The following CDH11 variants were observed in gnomAD, a reference collection of about 807,000 sequenced individuals.
CDH11 encodes the protein cadherin-11.
Under a neutral mutation model 67.8 loss-of-function variants are expected in CDH11, and 11 were observed. That is an observed-to-expected ratio of 0.16 (90% CI 0.10 to 0.27). The LOEUF is 0.27. Ranked by LOEUF, CDH11 falls within the 10% of genes least tolerant of loss-of-function variation. The pLI is 1.00. For missense variants in CDH11, 847 were observed against 1,031.2 expected (o/e 0.82, Z 2.45); for synonymous variants, 419 against 400.0 (o/e 1.05, Z -0.57).
chr16:64,974,046 C>T (rs1389466975), intron 8 of CDH11, among the ~76,000 whole-genome samples: 1 of 151,946 alleles, frequency 6.6e-6, no homozygotes, highest in Non-Finnish European at 1.5e-5. Flanking sequence ...TTACTAATAA[C>T]GGATAAAAAA....
At chr16:65,092,056 C>T (rs2074801183) in intron 1 of CDH11, among the ~76,000 whole-genome samples, 1 of 152,138 alleles carries the variant, frequency 6.6e-6, no homozygotes, top group South Asian at 2.1e-4. Context: ...TGGACAAATA[C>T]CACAATGTGA....
chr16:64,946,991 T>C lies in CDH11; in HGVS notation c.*612A>G. The C allele has an allele frequency of 1.0e-6, 1 of 1,000,274 alleles. No homozygotes were observed. Among genetic ancestry groups the C allele is most frequent in the East Asian group, 6.5e-5 (1 of 15,448 alleles). 62.0% of individuals were successfully genotyped at this position (1,000,274 alleles called of 1,614,324 possible). A position where few individuals can be genotyped will look rare whatever the true frequency, so the allele number is the denominator to read the frequency against. On this transcript the variant is annotated 3_prime_UTR_variant, in exon 13 of 13. Transcript: ENST00000268603. ...GACATAGAAATAGGGCGTCTCTCAC[T>C]GAAACAAGACAGTTATATCTGGCAC...
chr16:64,984,386 C>T (rs2142468223), intron 7 of CDH11, among the ~76,000 whole-genome samples: 1 of 152,312 alleles, frequency 6.6e-6, no homozygotes, highest in East Asian at 1.9e-4. Context: ...CTGATAGATG[C>T]TTAACATTTA....
At chr16:65,008,564 G>C (rs951889427) in intron 2 of CDH11, among the ~76,000 whole-genome samples, 1 of 152,110 alleles carries the variant, frequency 6.6e-6, no homozygotes, top group Admixed American at 6.6e-5. Flanking sequence ...CTTATGAATA[G>C]GAGCCATGAA....
At chr16:65,037,499 T>C (rs1333070009) in intron 2 of CDH11, among the ~76,000 whole-genome samples, 2 of 152,202 alleles carry the variant, frequency 1.3e-5, no homozygotes, top group Non-Finnish European at 2.9e-5. Flanking sequence ...AGCCTTCCTT[T>C]GTGACAGTCA....
At chr16:65,030,983 A>G (rs980768554) in intron 2 of CDH11, among the ~76,000 whole-genome samples, 1 of 152,188 alleles carries the variant, frequency 6.6e-6, no homozygotes, top group Non-Finnish European at 1.5e-5. Context: ...TACAATGTAA[A>G]AGGCCTAAGG....
At chr16:65,087,301 G>C (rs1355489205) in intron 1 of CDH11, among the ~76,000 whole-genome samples, 1 of 152,160 alleles carries the variant, frequency 6.6e-6, no homozygotes, top group African/African-American at 2.4e-5. Context: ...TGAAGTGTCA[G>C]CTACCACAGA....
intron 8 of CDH11, among the ~76,000 whole-genome samples, chr16:64,977,817 C>T (rs1351742287): frequency 1.3e-5 from 2 of 152,170 alleles, no homozygotes; most frequent in Non-Finnish European, 2.9e-5. Flanking sequence ...CAAAGGATGT[C>T]AGTGAGAACT....
intron 2 of CDH11, among the ~76,000 whole-genome samples, chr16:65,045,673 T>G (rs1402359412): frequency 6.6e-6 from 1 of 152,114 alleles, no homozygotes; most frequent in African/African-American, 2.4e-5. Flanking sequence ...GTTAATTCTG[T>G]GGCTCAAGAA....
rs1432737291 is a variant in CDH11 at position 64,973,038 on chromosome 16, T to C, written c.1256A>G (p.Tyr419Cys). The C allele has an allele frequency of 6.2e-7, 1 of 1,613,362 alleles. No individual in the cohort carries two copies. The highest frequency in any genetic ancestry group is 1.1e-5 in the South Asian group (1 of 91,066). The change falls in exon 9 of 13, where the codon TAT becomes TGT. Residue 419 changes from tyrosine to cysteine, a missense_variant and splice_region_variant. Tyr to Cys is a radical substitution (Grantham distance 194). Transcript: ENST00000268603. ...GAGGTCAGTGTGACGATCGATGGAA[T>C]ACCTAAGCAGAATGCAAATGAGGCA... ...DPDAANSPIRYSIDRHTDLDR... is the reference protein window; with the variant it reads ...DPDAANSPIRCSIDRHTDLDR...
chr16:64,991,592 A>G (rs2072630083), intron 6 of CDH11, 176 bp downstream of exon 6: 3 of 525,966 alleles, frequency 5.7e-6, no homozygotes, highest in Non-Finnish European at 6.9e-6. Context: ...ACTCCCCGAC[A>G]TTGTTGTTGT....
chr16:64,968,826 G>T (rs2142418345), intron 11 of CDH11, among the ~76,000 whole-genome samples: 1 of 152,208 alleles, frequency 6.6e-6, no homozygotes, highest in Middle Eastern at 3.4e-3. Flanking sequence ...AACTCAGTAG[G>T]CTATTAATAG....
At chr16:65,079,698 G>A (rs1314049320) in intron 1 of CDH11, among the ~76,000 whole-genome samples, 3 of 152,166 alleles carry the variant, frequency 2.0e-5, no homozygotes, top group Admixed American at 2.0e-4. Context: ...AGTCACACCA[G>A]ATCAATTTCA....
intron 7 of CDH11, chr16:64,983,144 T>TTAA (rs1555514670): frequency 6.9e-6 from 1 of 145,902 alleles, no homozygotes; most frequent in African/African-American, 2.5e-5. Context: ...CTTCTTTTTT[T>TTAA]AAAAAAAAAA....
chr16:65,046,501 C>A (rs976074279), intron 2 of CDH11, among the ~76,000 whole-genome samples: 1 of 152,232 alleles, frequency 6.6e-6, no homozygotes. Context: ...ATGAGAGGAA[C>A]ACATTATTGA....
At chr16:65,030,054 T>C (rs1336989739) in intron 2 of CDH11, among the ~76,000 whole-genome samples, 1 of 152,210 alleles carries the variant, frequency 6.6e-6, no homozygotes, top group Non-Finnish European at 1.5e-5. Context: ...AGAAAATCTT[T>C]TATCCTAATC....
chr16:64,997,160 C>T (rs1293134608), intron 4 of CDH11, among the ~76,000 whole-genome samples: 1 of 151,504 alleles, frequency 6.6e-6, no homozygotes. Context: ...ATTAGCCGGG[C>T]GTGGTGGCGC....
intron 1 of CDH11, among the ~76,000 whole-genome samples, chr16:65,057,226 C>T (rs906590046): frequency 1.3e-5 from 2 of 152,178 alleles, no homozygotes; most frequent in East Asian, 3.9e-4. Flanking sequence ...TCCCCCAAGA[C>T]TTGGAATCAT....
chr16:65,061,640 A>G (rs1323055898), intron 1 of CDH11, among the ~76,000 whole-genome samples: 7 of 152,356 alleles, frequency 4.6e-5, no homozygotes, highest in Admixed American at 3.3e-4. Context: ...AGTGTGGTCA[A>G]TATTTTCTAA....
Sources: allele counts gnomAD v4.1 joint callset (sites outside exome capture counted in the v4.1 genomes callset), GRCh38; gene constraint gnomAD v4.1.1; transcripts MANE v1.5; gene names NCBI Gene and HGNC (gene_info 2026-07-23, HGNC 2026-07-21).